SEC14L1: variants seen among roughly 807,000 people sequenced by gnomAD.
SEC14L1 encodes the protein SEC14-like protein 1.
SEC14L1 carries 48 observed loss-of-function variants against 85.3 expected under a neutral mutation model. That is an observed-to-expected ratio of 0.56 (90% confidence interval 0.45 to 0.72). The LOEUF (loss-of-function observed/expected upper bound fraction) is 0.72. Ranked by LOEUF, SEC14L1 falls within the 30% of genes least tolerant of loss-of-function variation. The pLI, the probability that SEC14L1 is intolerant of heterozygous loss-of-function variation, is 0.00. For synonymous variants in SEC14L1, 391 were observed against 355.5 expected (o/e 1.10, Z -1.12); for missense variants, 682 against 921.4 (o/e 0.74, Z 3.36).
At chr17:77,155,946 C>T (rs572695769) in intron 3 of SEC14L1, among the ~76,000 whole-genome samples, 1 of 152,166 alleles carries the variant, frequency 6.6e-6, no homozygotes, top group African/African-American at 2.4e-5. Flanking sequence ...TTGTCATTGG[C>T]CTTCTGCCTG....
chr17:77,202,271 G>T (rs1473819610), intron 9 of SEC14L1, among the ~76,000 whole-genome samples: 1 of 152,070 alleles, frequency 6.6e-6, no homozygotes, highest in Non-Finnish European at 1.5e-5. Flanking sequence ...GGATGGCTTG[G>T]ACCCAGGACT....
chr17:77,191,023 G>C (rs772013022), intron 4 of SEC14L1, 71 bp downstream of exon 4: 10 of 1,579,688 alleles, frequency 6.3e-6, no homozygotes, highest in Non-Finnish European at 7.8e-6. Context: ...GTGGGAGAGG[G>C]CGTCCTGGAG....
chr17:77,172,150 G>A (rs1168486981), intron 3 of SEC14L1, among the ~76,000 whole-genome samples: 2 of 152,076 alleles, frequency 1.3e-5, no homozygotes, highest in Non-Finnish European at 2.9e-5. Flanking sequence ...ATAACAAACT[G>A]AGGAGCGAGC....
intron 3 of SEC14L1, among the ~76,000 whole-genome samples, chr17:77,176,877 G>A (rs1974780733): frequency 6.6e-6 from 1 of 152,044 alleles, no homozygotes; most frequent in Non-Finnish European, 1.5e-5. Flanking sequence ...GTGAGCCCCT[G>A]CACCTGGCCA....
chr17:77,120,665 TG>T lies in SEC14L1; in HGVS notation c.-135-21977del, dbSNP rs373175156. Reference sequence around the variant, plus strand: ...CTAATTTTTGTATTTTGAGTAGAGGTGGGGTTTCACCCTGTTGTCCAGGCTG... The same window carrying T: ...CTAATTTTTGTATTTTGAGTAGAGGTGGGTTTCACCCTGTTGTCCAGGCTG... On this transcript the variant is annotated intron_variant, in intron 3 of 19. Coordinates refer to the SEC14L1 transcript ENST00000392476. 2.4e-3 allele frequency among the ~76,000 whole-genome samples: 362 copies of T among 152,232 alleles called. 1 individual carries two copies. The highest frequency in any genetic ancestry group is 8.1e-3 in the African/African-American group (336 of 41,540).
At chr17:77,116,847 G>C (rs1464760358) in intron 3 of SEC14L1, among the ~76,000 whole-genome samples, 1 of 152,190 alleles carries the variant, frequency 6.6e-6, no homozygotes, top group East Asian at 1.9e-4. Context: ...GACTGTAGAA[G>C]TCCCCTGTCT....
chr17:77,144,768 A>G (rs1973201831), intron 3 of SEC14L1: 1 of 151,950 alleles, frequency 6.6e-6, no homozygotes, highest in Non-Finnish European at 1.5e-5. Flanking sequence ...CTGCACTACC[A>G]TGCCCGCTAA....
At position 77,190,859 on chromosome 17, in the gene SEC14L1, C is replaced by G. The variant is rs1339720998; in HGVS notation, c.120C>G (p.Asp40Glu). Residue 40 changes from aspartate to glutamate, a missense_variant, in exon 4 of 17, where the codon GAC becomes GAG. Around this residue, in one of 3 missense-constraint regions of SEC14L1, gnomAD observed 139 missense variants for 201.3 expected, o/e 0.69. Transcript: ENST00000436233. ...CPLIPMFVGSDTVNEFKSEDG... is the reference protein window; with the variant it reads ...CPLIPMFVGSETVNEFKSEDG... ...TGATTCCGATGTTCGTGGGCAGTGA[C>G]ACTGTGAATGAATTCAAGAGCGAAG... 6.2e-7 allele frequency: 1 copy of G among 1,614,220 alleles called. No individual in the cohort carries two copies.
intron 3 of SEC14L1, among the ~76,000 whole-genome samples, chr17:77,162,212 C>T (rs543074255): frequency 1.3e-4 from 19 of 151,838 alleles, no homozygotes; most frequent in Non-Finnish European, 2.4e-4. Context: ...CGAGGCCCCA[C>T]GGGCACTGCT....
intron 14 of SEC14L1, 60 bp from the exon 15 acceptor site, chr17:77,211,890 T>C: frequency 1.9e-6 from 3 of 1,591,942 alleles, no homozygotes; most frequent in Non-Finnish European, 2.6e-6. Context: ...CACGATGCGC[T>C]CGCAGCATGC....
chr17:77,214,849 TCTC>T lies in SEC14L1; in HGVS notation c.*830_*832del, dbSNP rs1212051096. On this transcript the variant is annotated 3_prime_UTR_variant, in exon 17 of 17. Coordinates refer to ENST00000436233, the MANE Select transcript of SEC14L1 (RefSeq NM_001143998.2). ...TCAGCTCCCAGCCCAGTGTAGGCCATCTCCTCTGTGCCCTCTGGTGGCTCATTG... is the reference window on the plus strand; with the variant it reads ...TCAGCTCCCAGCCCAGTGTAGGCCATCTCTGTGCCCTCTGGTGGCTCATTG... 2.0e-6 allele frequency: 2 copies of T among 985,386 alleles called. No homozygotes were observed. The highest frequency in any genetic ancestry group is 1.1e-4 in the East Asian group (1 of 8,828). The allele number at this position is 985,386 out of a possible 1,614,324, so 61.0% of individuals were successfully genotyped here.
intron 3 of SEC14L1, chr17:77,145,099 A>ATGTGTGTGTGTGTGTGTG (rs60478156): frequency 8.8e-6 from 1 of 114,142 alleles, no homozygotes; most frequent in Non-Finnish European, 1.9e-5. Flanking sequence ...GTGTGTATGT[A>ATGTGTGTGTGTGTGTGTG]TGTGTGTGTG....
rs537433516 is a variant in SEC14L1 at position 77,123,289 on chromosome 17, TCCACCTG to T, written c.-135-19354_-135-19348del. Among the ~76,000 whole-genome samples, 160 of 152,006 alleles carry T rather than the reference TCCACCTG, an allele frequency of 1.1e-3. 1 individual carries two copies. The South Asian group carries it at 0.013, about 12-fold the overall frequency. ...TGGTCTTGATCTCTTGACCTCATGA[TCCACCTG>T]CCTCGGCCTCCCAAAGTGCTGGGAT... On this transcript the variant is annotated intron_variant, in intron 3 of 19. Coordinates refer to the SEC14L1 transcript ENST00000392476.
Position 77,216,841 on chromosome 17 carries a change from C to A in SEC14L1, c.*2818C>A. 4.2e-6 allele frequency: 2 copies of A among 474,204 alleles called. No homozygotes were observed. Among genetic ancestry groups the A allele is most frequent in the Non-Finnish European group, 7.5e-6 (2 of 268,442 alleles). 29.4% of individuals were successfully genotyped at this position (474,204 alleles called of 1,614,324 possible). A position where few individuals can be genotyped will look rare whatever the true frequency, so the allele number is the denominator to read the frequency against. The stretch of plus-strand genomic sequence containing the variant: ...CTGGGGCAGCTATGGTTTGAGTATG[C>A]AGTTTGCATCGTGTTTCTACCTTTA... On this transcript the variant is annotated 3_prime_UTR_variant, in exon 17 of 17. Coordinates refer to ENST00000436233, the MANE Select transcript of SEC14L1 (RefSeq NM_001143998.2).
At chr17:77,168,156 G>T (rs1260220070) in intron 3 of SEC14L1, among the ~76,000 whole-genome samples, 2 of 152,202 alleles carry the variant, frequency 1.3e-5, no homozygotes, top group African/African-American at 2.4e-5. Flanking sequence ...CCACAAGCGT[G>T]GGAGGGTTGT....
At chr17:77,172,678 C>A (rs1342333196) in intron 3 of SEC14L1, among the ~76,000 whole-genome samples, 1 of 152,174 alleles carries the variant, frequency 6.6e-6, no homozygotes. Flanking sequence ...GGAGCTTTAA[C>A]ATCCCCTGCC....
At chr17:77,186,219 C>T (rs1010590812) in intron 3 of SEC14L1, among the ~76,000 whole-genome samples, 6 of 152,196 alleles carry the variant, frequency 3.9e-5, no homozygotes, top group African/African-American at 1.2e-4. Context: ...TATGCCACAT[C>T]GTCATGCACC....
chr17:77,138,789 C>T (rs1972869463), upstream of SEC14L1, among the ~76,000 whole-genome samples: 1 of 152,048 alleles, frequency 6.6e-6, no homozygotes, highest in Non-Finnish European at 1.5e-5. Context: ...ATGCCACTGC[C>T]CTCAAGCCTG....
chr17:77,154,257 G>A (rs1004281305), intron 3 of SEC14L1, among the ~76,000 whole-genome samples: 1 of 152,070 alleles, frequency 6.6e-6, no homozygotes, highest in Non-Finnish European at 1.5e-5. Flanking sequence ...AATCACTTGA[G>A]GCCAGTAGTT....
Sources: gnomAD v4.1 joint callset for allele counts (sites outside exome capture counted in the v4.1 genomes callset) on GRCh38, gnomAD v4.1.1 for gene constraint, gnomAD v4.1.1 regional missense constraint, MANE v1.5 for transcripts, NCBI Gene and HGNC (gene_info 2026-07-23, HGNC 2026-07-21) for gene names.